Variants in DENND1A observed in about 807,000 individuals in gnomAD.
DENND1A encodes the protein DENN domain-containing protein 1A.
DENND1A carries 51 observed loss-of-function variants against 113.7 expected under a neutral mutation model. That is an observed-to-expected ratio of 0.45 (90% confidence interval 0.36 to 0.57). The LOEUF (loss-of-function observed/expected upper bound fraction) is 0.57, where lower values mean the gene tolerates loss of function less well. Among genes scored for constraint, DENND1A ranks in the 20% least tolerant of loss-of-function variants. The pLI, the probability that DENND1A is intolerant of heterozygous loss-of-function variation, is 0.00. For missense variants in DENND1A, 1,258 were observed against 1,395.9 expected (o/e 0.90, Z 1.57); for synonymous variants, 565 against 570.8 (o/e 0.99, Z 0.14).
intron 13 of DENND1A, among the ~76,000 whole-genome samples, chr9:123,516,967 T>C (rs2053983671): frequency 6.9e-6 from 1 of 145,876 alleles, no homozygotes; most frequent in African/African-American, 2.6e-5. Flanking sequence ...GTCAAGTGTC[T>C]CAAGGACCTT....
chr9:123,419,689 T>C (rs2045072458), intron 19 of DENND1A, among the ~76,000 whole-genome samples: 2 of 152,222 alleles, frequency 1.3e-5, no homozygotes, highest in South Asian at 2.1e-4. Context: ...ATGCAAGGCA[T>C]GGAAATAAAA....
rs150391246 is a variant in DENND1A, at chr9:123,803,558, C to T, written c.89-10928G>A. Among the ~76,000 whole-genome samples the T allele has an allele frequency of 4.2e-3, 637 of 152,288 alleles. 2 individuals carry two copies. The highest frequency in any genetic ancestry group is 0.014 in the African/African-American group (601 of 41,564). On this transcript the variant is annotated intron_variant, in intron 2 of 23. Transcript: ENST00000394215. The stretch of plus-strand genomic sequence containing the variant: ...CACCACCTCTGCCCCACAGACTCTG[C>T]CTTCGTCTTATTACGTGACCCTTGC...
intron 19 of DENND1A, among the ~76,000 whole-genome samples, chr9:123,429,662 C>A (rs567017550): frequency 4.6e-5 from 7 of 152,210 alleles, no homozygotes; most frequent in African/African-American, 1.4e-4. Context: ...TGAAAGTAGA[C>A]CCCTTCCTTA....
At chr9:123,516,351 A>G (rs1392624318) in intron 13 of DENND1A, among the ~76,000 whole-genome samples, 1 of 152,156 alleles carries the variant, frequency 6.6e-6, no homozygotes, top group Non-Finnish European at 1.5e-5. Context: ...ACTAAAAAAT[A>G]TAAAAGGAGC....
intron 5 of DENND1A, among the ~76,000 whole-genome samples, chr9:123,754,878 T>A (rs1027189983): frequency 6.6e-6 from 1 of 152,178 alleles, no homozygotes; most frequent in Non-Finnish European, 1.5e-5. Flanking sequence ...ACAAGCAAAT[T>A]CAAATGTAAA....
At position 123,741,286 on chromosome 9, in the gene DENND1A, T is replaced by G. The variant is rs938525281; in HGVS notation, c.302+16417A>C. ...AATATTCTACTCCAACAACCAAAATTTTACAAGTGATTAAAGTGGAAAGAG... is the reference window on the plus strand; with the variant it reads ...AATATTCTACTCCAACAACCAAAATGTTACAAGTGATTAAAGTGGAAAGAG... On this transcript the variant is annotated intron_variant, in intron 5 of 23. Coordinates refer to ENST00000394215, the MANE Select transcript of DENND1A (RefSeq NM_001352964.2). Among the ~76,000 whole-genome samples, 3 of 152,088 alleles carry G rather than the reference T, an allele frequency of 2.0e-5. No individual in the cohort carries two copies. The East Asian group carries it at 5.8e-4, about 29-fold the overall frequency.
At chr9:123,703,234 C>A (rs1361765713) in intron 5 of DENND1A, among the ~76,000 whole-genome samples, 1 of 152,096 alleles carries the variant, frequency 6.6e-6, no homozygotes, top group Non-Finnish European at 1.5e-5. Flanking sequence ...AGTGATCCAT[C>A]CACCTAGGAT....
chr9:123,672,047 A>ATAT (rs1181684709), intron 6 of DENND1A, among the ~76,000 whole-genome samples: 2 of 152,354 alleles, frequency 1.3e-5, no homozygotes, highest in East Asian at 3.9e-4. Context: ...TGATAAGTGT[A>ATAT]TATTTGTATC....
chr9:123,821,197 A>C (rs1407465525), intron 2 of DENND1A, among the ~76,000 whole-genome samples: 1 of 152,220 alleles, frequency 6.6e-6, no homozygotes, highest in Non-Finnish European at 1.5e-5. Flanking sequence ...AAAAATATTC[A>C]TTTCATCTCA....
intron 2 of DENND1A, among the ~76,000 whole-genome samples, chr9:123,854,898 C>T (rs1231991765): frequency 6.6e-6 from 1 of 150,408 alleles, no homozygotes; most frequent in African/African-American, 2.5e-5. Flanking sequence ...GTAATAAATG[C>T]AGTGGAAGGG....
intron 13 of DENND1A, among the ~76,000 whole-genome samples, chr9:123,521,130 C>T (rs1330343230): frequency 6.6e-6 from 1 of 152,160 alleles, no homozygotes; most frequent in Non-Finnish European, 1.5e-5. Context: ...CGCGGTTCCC[C>T]AGATGAAATT....
chr9:123,823,929 C>T (rs1303646569), intron 2 of DENND1A, among the ~76,000 whole-genome samples: 1 of 152,082 alleles, frequency 6.6e-6, no homozygotes, highest in Non-Finnish European at 1.5e-5. Context: ...GAGAATGATC[C>T]TAAGTTCAAT....
At chr9:123,923,193 C>T (rs972684173) in intron 1 of DENND1A, among the ~76,000 whole-genome samples, 1 of 152,194 alleles carries the variant, frequency 6.6e-6, no homozygotes. Flanking sequence ...CAGGTCTTAC[C>T]TTCTGTTTCA....
At chr9:123,403,610 C>T (rs1025844587) in intron 20 of DENND1A, 120 bp from the exon 21 acceptor site, 5 of 881,756 alleles carry the variant, frequency 5.7e-6, no homozygotes, top group African/African-American at 1.7e-5. Context: ...TTCAAAGCTA[C>T]AGGCTACAAA....
At chr9:123,701,772 G>C (rs1423983385) in intron 5 of DENND1A, among the ~76,000 whole-genome samples, 1 of 152,206 alleles carries the variant, frequency 6.6e-6, no homozygotes, top group Non-Finnish European at 1.5e-5. Flanking sequence ...GCAATCTGAG[G>C]ATTAGGGACC....
At chr9:123,884,241 G>T (rs984151089) in intron 1 of DENND1A, among the ~76,000 whole-genome samples, 1 of 151,920 alleles carries the variant, frequency 6.6e-6, no homozygotes, top group African/African-American at 2.4e-5. Flanking sequence ...TACTCTTCAA[G>T]ATGTTTAATA....
chr9:123,566,888 T>C (rs1417292964), intron 12 of DENND1A, among the ~76,000 whole-genome samples: 1 of 151,032 alleles, frequency 6.6e-6, no homozygotes, highest in African/African-American at 2.5e-5. Context: ...TTGTTTTCCT[T>C]ATACAACAAT....
chr9:123,818,920 A>G (rs1470974034), intron 2 of DENND1A, among the ~76,000 whole-genome samples: 2 of 152,246 alleles, frequency 1.3e-5, no homozygotes, highest in African/African-American at 4.8e-5. Flanking sequence ...ATAAACCACA[A>G]TATATCCATT....
chr9:123,694,564 T>C (rs936266928), intron 5 of DENND1A, among the ~76,000 whole-genome samples: 1 of 152,222 alleles, frequency 6.6e-6, no homozygotes, highest in Non-Finnish European at 1.5e-5. Flanking sequence ...TCTCCCAATA[T>C]TACTCTGTCC....
Sources: allele counts gnomAD v4.1 joint callset (sites outside exome capture counted in the v4.1 genomes callset), GRCh38; gene constraint gnomAD v4.1.1; transcripts MANE v1.5; gene names NCBI Gene and HGNC (gene_info 2026-07-23, HGNC 2026-07-21).